Variants in CALN1 observed in about 807,000 individuals in gnomAD.
The protein encoded by CALN1 is calcium-binding protein 8.
In CALN1, 17 loss-of-function variants were observed where a neutral mutation model predicts 30.6. That is an observed-to-expected ratio of 0.56 (90% CI 0.38 to 0.83). CALN1 has a LOEUF of 0.83. CALN1 is among the 40% of genes least tolerant of loss of function. The probability of loss-of-function intolerance (pLI) is 0.00; values close to 1 mark genes in which losing one functional copy is unlikely to be tolerated. For missense variants in CALN1, 291 were observed against 354.9 expected (o/e 0.82, Z 1.45); for synonymous variants, 156 against 131.4 (o/e 1.19, Z -1.28).
intron 2 of CALN1, among the ~76,000 whole-genome samples, chr7:72,358,487 C>G (rs775195437): frequency 6.7e-6 from 1 of 150,174 alleles, no homozygotes; most frequent in Non-Finnish European, 1.5e-5. Flanking sequence ...ACTTAGCCAT[C>G]ACTCCCTGTG....
chr7:72,190,025 A>G (rs879868619), intron 3 of CALN1, among the ~76,000 whole-genome samples: 2 of 152,164 alleles, frequency 1.3e-5, no homozygotes, highest in Non-Finnish European at 2.9e-5. Flanking sequence ...TTATTCTCCA[A>G]CTTGAGAAGT....
intron 2 of CALN1, among the ~76,000 whole-genome samples, chr7:72,325,538 T>C (rs1415563239): frequency 3.3e-5 from 5 of 151,814 alleles, no homozygotes. Flanking sequence ...GAGGCAGAGG[T>C]TACAGTGAGC....
chr7:71,842,633 C>T (rs902815340), intron 5 of CALN1, among the ~76,000 whole-genome samples: 2 of 152,172 alleles, frequency 1.3e-5, no homozygotes, highest in South Asian at 4.1e-4. Context: ...CCATTTGCAA[C>T]GTTCACCGAT....
intron 5 of CALN1, among the ~76,000 whole-genome samples, chr7:71,923,115 A>G (rs527434244): frequency 1.3e-5 from 2 of 151,600 alleles, no homozygotes; most frequent in East Asian, 1.9e-4. Context: ...GGTACTCAAA[A>G]TTTATTTTTG....
At chr7:72,307,622 T>A (rs1487164209) in intron 2 of CALN1, among the ~76,000 whole-genome samples, 1 of 152,210 alleles carries the variant, frequency 6.6e-6, no homozygotes, top group African/African-American at 2.4e-5. Context: ...GAGCTACGCA[T>A]ATTCAAAGAC....
At position 72,104,938 on chromosome 7, in the gene CALN1, CAGAG is replaced by C. The variant is rs1806972736; in HGVS notation, c.388+1209_388+1212del. ...CATCACTGTACTCCAGCCTGGGCGA[CAGAG>C]AGAGACTCCGTCTCTAAAATAAATA... is the stretch of plus-strand genomic sequence containing the variant. On this transcript the variant is annotated intron_variant, in intron 4 of 6. Coordinates refer to ENST00000395275, the MANE Select transcript of CALN1 (RefSeq NM_031468.4). Among the ~76,000 whole-genome samples, 4 of 150,946 alleles carry C rather than the reference CAGAG, an allele frequency of 2.6e-5. No homozygotes were observed. The South Asian group carries it at 8.4e-4, about 32-fold the overall frequency.
At chr7:72,451,209 A>AGG (rs1808650426), upstream of CALN1, among the ~76,000 whole-genome samples, 13 of 126,120 alleles carry the variant, frequency 1.0e-4, no homozygotes, top group East Asian at 9.4e-4. Context: ...GAAGAAGAAG[A>AGG]AGGAGGAGGA....
intron 3 of CALN1, among the ~76,000 whole-genome samples, chr7:72,112,720 A>G (rs117881967): frequency 0.014 from 2,099 of 152,306 alleles, 22 homozygotes; most frequent in Non-Finnish European, 0.019. Context: ...CTGTTTACTT[A>G]TATGTCAGGG....
At chr7:72,055,881 C>T (rs1803223820) in intron 4 of CALN1, among the ~76,000 whole-genome samples, 1 of 152,094 alleles carries the variant, frequency 6.6e-6, no homozygotes, top group South Asian at 2.1e-4. Flanking sequence ...ATTAGCCAGT[C>T]TTGGTGGCAC....
At chr7:71,844,090 A>G (rs923544531) in intron 5 of CALN1, among the ~76,000 whole-genome samples, 3 of 152,216 alleles carry the variant, frequency 2.0e-5, no homozygotes, top group Non-Finnish European at 2.9e-5. Flanking sequence ...CACAAGGAGC[A>G]CACTGCGATA....
At chr7:72,477,603 G>C in the CALN1 span, among the ~76,000 whole-genome samples, 13 of 152,054 alleles carry the variant, frequency 8.5e-5, 1 homozygote, top group Admixed American at 7.9e-4. Context: ...TGTTGTTTTT[G>C]TAGAAACGGG....
chr7:72,182,946 T>C (rs930560805), intron 3 of CALN1, among the ~76,000 whole-genome samples: 8 of 152,100 alleles, frequency 5.3e-5, no homozygotes, highest in Non-Finnish European at 1.0e-4. Context: ...GGTAAAGGCA[T>C]TGAATGCTAT....
intron 5 of CALN1, among the ~76,000 whole-genome samples, chr7:71,865,427 G>A (rs1293752698): frequency 1.3e-5 from 2 of 152,222 alleles, no homozygotes; most frequent in Non-Finnish European, 2.9e-5. Context: ...AGGTGATGCC[G>A]CCATGCTTCC....
chr7:72,095,892 C>T (rs370434187), intron 4 of CALN1, among the ~76,000 whole-genome samples: 5 of 152,040 alleles, frequency 3.3e-5, no homozygotes, highest in South Asian at 2.1e-4. Context: ...TAAAAATTAG[C>T]CAGGCATGGT....
In CALN1 at chr7:72,338,470, A is replaced by AGAGTGTGTGTGTGTGT. The variant is rs1031551970; in HGVS notation, c.120-59661_120-59660insACACACACACACACTC. 7.7e-3 allele frequency among the ~76,000 whole-genome samples: 574 copies of AGAGTGTGTGTGTGTGT among 74,772 alleles called. 14 individuals carry two copies. Among genetic ancestry groups the AGAGTGTGTGTGTGTGT allele is most frequent in the East Asian group, 0.014 (34 of 2,384 alleles). The allele number at this position is 74,772 out of a possible 152,430, so 49.1% of individuals were successfully genotyped here. A position where few individuals can be genotyped will look rare whatever the true frequency, so the allele number is the denominator to read the frequency against. On this transcript the variant is annotated intron_variant, in intron 2 of 6. Coordinates refer to ENST00000395275, the MANE Select transcript of CALN1 (RefSeq NM_031468.4). Reference sequence around the variant, plus strand: ...GGGCGTTTTTGTCAGCCAGCAGCACAGTGTGTGTGTGTGTGTGTGTGTGTG... The same window carrying AGAGTGTGTGTGTGTGT: ...GGGCGTTTTTGTCAGCCAGCAGCACAGAGTGTGTGTGTGTGTGTGTGTGTGTGTGTGTGTGTGTGTG...
chr7:72,425,270 C>A (rs1807765617), intron 1 of CALN1, among the ~76,000 whole-genome samples: 1 of 152,180 alleles, frequency 6.6e-6, no homozygotes, highest in East Asian at 1.9e-4. Flanking sequence ...CGTGCCACCA[C>A]ACCCAGCTAA....
chr7:72,128,158 A>G (rs1808897140), intron 3 of CALN1, among the ~76,000 whole-genome samples: 1 of 152,216 alleles, frequency 6.6e-6, no homozygotes, highest in Admixed American at 6.5e-5. Flanking sequence ...ATACATATTA[A>G]AAGATATTTA....
chr7:72,426,570 T>C (rs1807803815), intron 1 of CALN1, among the ~76,000 whole-genome samples: 2 of 152,202 alleles, frequency 1.3e-5, no homozygotes, highest in Non-Finnish European at 2.9e-5. Flanking sequence ...CTTTATAAAT[T>C]ACACAGTCTC....
intron 3 of CALN1, among the ~76,000 whole-genome samples, chr7:72,211,271 G>T (rs568882670): frequency 6.6e-6 from 1 of 152,090 alleles, no homozygotes; most frequent in African/African-American, 2.4e-5. Flanking sequence ...GGGCCAGGTA[G>T]AGTTCCTCAA....
Sources: allele counts gnomAD v4.1 joint callset (sites outside exome capture counted in the v4.1 genomes callset), GRCh38; gene constraint gnomAD v4.1.1; transcripts MANE v1.5; gene names NCBI Gene and HGNC (gene_info 2026-07-23, HGNC 2026-07-21).